Variants in BFSP2 observed in about 807,000 individuals in gnomAD.
BFSP2 encodes the protein phakinin.
A neutral mutation model predicts 44.9 loss-of-function variants in BFSP2; 38 were observed. The observed-to-expected ratio is 0.85, with a 90% CI of 0.65 to 1.11. The LOEUF (loss-of-function observed/expected upper bound fraction) is 1.11, where lower values mean the gene tolerates loss of function less well. Ranked by LOEUF, BFSP2 falls within the 50% of genes least tolerant of loss-of-function variation. The pLI, the probability that BFSP2 is intolerant of heterozygous loss-of-function variation, is 0.00. For missense variants in BFSP2, 525 were observed against 533.0 expected (o/e 0.99, Z 0.15); for synonymous variants, 197 against 209.9 (o/e 0.94, Z 0.53).
At chr3:133,448,147 G>T (rs1242059078) in intron 2 of BFSP2, among the ~76,000 whole-genome samples, 1 of 152,220 alleles carries the variant, frequency 6.6e-6, no homozygotes, top group Non-Finnish European at 1.5e-5. Flanking sequence ...TTTGTTAAAG[G>T]ATCCTTGGTT....
At chr3:133,444,746 C>T (rs1289623468) in intron 1 of BFSP2, among the ~76,000 whole-genome samples, 2 of 152,106 alleles carry the variant, frequency 1.3e-5, no homozygotes, top group Non-Finnish European at 2.9e-5. Context: ...TAAACTAGTC[C>T]ACATTTTTCC....
At chr3:133,441,925 G>A (rs941741246) in intron 1 of BFSP2, among the ~76,000 whole-genome samples, 2 of 152,158 alleles carry the variant, frequency 1.3e-5, no homozygotes, top group Admixed American at 6.5e-5. Flanking sequence ...AAAGGGGAAG[G>A]GAGGAGTGGG....
intron 1 of BFSP2, among the ~76,000 whole-genome samples, chr3:133,413,631 A>G (rs1039613994): frequency 6.6e-6 from 1 of 152,056 alleles, no homozygotes; most frequent in African/African-American, 2.4e-5. Flanking sequence ...CTGGCTGGGG[A>G]AAAGCACATA....
intron 1 of BFSP2, among the ~76,000 whole-genome samples, chr3:133,412,035 C>G (rs1197392): frequency 0.86 from 130,369 of 152,276 alleles, 55,894 homozygotes; most frequent in East Asian, 0.99. Flanking sequence ...ACGTGATCAT[C>G]GTTGTGAAGT....
intron 1 of BFSP2, among the ~76,000 whole-genome samples, chr3:133,438,181 C>T (rs886763752): frequency 1.3e-5 from 2 of 152,174 alleles, no homozygotes; most frequent in African/African-American, 4.8e-5. Context: ...TAAACGATGT[C>T]TGTGGCAGAT....
intron 1 of BFSP2, among the ~76,000 whole-genome samples, chr3:133,406,352 G>C (rs2073404537): frequency 6.6e-6 from 1 of 152,276 alleles, no homozygotes; most frequent in East Asian, 1.9e-4. Flanking sequence ...GGGAGACTAG[G>C]GTGTGGCACT....
At chr3:133,450,519 T>G in intron 4 of BFSP2, 55 bp downstream of exon 4, 1 of 1,603,150 alleles carries the variant, frequency 6.2e-7, no homozygotes, top group South Asian at 1.1e-5. Flanking sequence ...GAGGCCACGC[T>G]GAGCTGCAAA....
At chr3:133,471,277 G>A (rs1255724264) in intron 5 of BFSP2, among the ~76,000 whole-genome samples, 1 of 152,166 alleles carries the variant, frequency 6.6e-6, no homozygotes, top group Non-Finnish European at 1.5e-5. Flanking sequence ...ACAGGTGAGA[G>A]GTGACAAGCT....
chr3:133,447,192 A>C (rs1426655105), intron 1 of BFSP2, 125 bp from the exon 2 acceptor site: 10 of 896,050 alleles, frequency 1.1e-5, no homozygotes, highest in Non-Finnish European at 1.8e-5. Flanking sequence ...AATTCCACAA[A>C]TATTTGCTGT....
intron 1 of BFSP2, among the ~76,000 whole-genome samples, chr3:133,403,122 G>T (rs1357566365): frequency 6.6e-6 from 1 of 152,090 alleles, no homozygotes; most frequent in Non-Finnish European, 1.5e-5. Flanking sequence ...AGGCCTAGAG[G>T]AAAGGCCACC....
chr3:133,415,575 TCTACTCACCCCTGCCCCCTCC>T, intron 1 of BFSP2, among the ~76,000 whole-genome samples: 2 of 65,486 alleles, frequency 3.1e-5, no homozygotes, highest in African/African-American at 1.3e-4. Context: ...CCCCCTCCGC[TCTACTCACCCCTGCCCCCTCC>T]GCTCTACTCA....
chr3:133,461,264 C>T lies in BFSP2; in HGVS notation c.892-5564C>T, dbSNP rs149860057. On this transcript the variant is annotated intron_variant, in intron 4 of 6. Transcript: ENST00000302334. ...ATTATTACTTACTTAGAACACATTG[C>T]TTTTCTCTTCTCACATCCTTCATGT... Among the ~76,000 whole-genome samples, 1,241 of 152,270 alleles carry T rather than the reference C, an allele frequency of 8.1e-3. 6 individuals carry two copies. Among genetic ancestry groups the T allele is most frequent in the Non-Finnish European group, 8.2e-3 (561 of 68,020 alleles).
rs142926336 is a variant in BFSP2, at chr3:133,471,921, G to T, written c.1024-424G>T. ...GGTTTCAGCAGCAGAGGGAGAAGGG[G>T]TCCCCCGGGGAGTGAAGAAATCAGA... On this transcript the variant is annotated intron_variant, in intron 5 of 6. Coordinates refer to ENST00000302334, the MANE Select transcript of BFSP2 (RefSeq NM_003571.4). 1.2e-4 allele frequency among the ~76,000 whole-genome samples: 19 copies of T among 152,208 alleles called. No homozygotes were observed. In the East Asian group the frequency reaches 3.7e-3, roughly 29 times the overall value.
intron 1 of BFSP2, among the ~76,000 whole-genome samples, chr3:133,425,681 GTC>G (rs2073637865): frequency 6.6e-6 from 1 of 151,390 alleles, no homozygotes; most frequent in African/African-American, 2.4e-5. Flanking sequence ...AGTCAGTTCC[GTC>G]TCTCTTTCCT....
Position 133,425,768 on chromosome 3 carries a change from AAAGGGAAAGGG to A in BFSP2, c.490-21546_490-21536del, listed in dbSNP as rs1199139878. On this transcript the variant is annotated intron_variant, in intron 1 of 6. Transcript: ENST00000302334. ...AATCTAAGCAGGACAAAGGGATGGG[AAAGGGAAAGGG>A]AAAGGGAAGGGAAGGGAAGGGAAGA... 4.7e-3 allele frequency among the ~76,000 whole-genome samples: 280 copies of A among 59,426 alleles called. 5 individuals carry two copies. Among genetic ancestry groups the A allele is most frequent in the African/African-American group, 0.03 (278 of 9,334 alleles). 39.0% of individuals were successfully genotyped at this position (59,426 alleles called of 152,430 possible).
chr3:133,402,681 C>T (rs1287055916), intron 1 of BFSP2, among the ~76,000 whole-genome samples: 16 of 149,574 alleles, frequency 1.1e-4, no homozygotes, highest in Non-Finnish European at 1.9e-4. Context: ...CATTCTGTCA[C>T]CCAGGCTGGA....
intron 1 of BFSP2, among the ~76,000 whole-genome samples, chr3:133,446,167 C>T (rs568336314): frequency 1.3e-5 from 2 of 152,184 alleles, no homozygotes; most frequent in African/African-American, 4.8e-5. Context: ...ACACCTGTAA[C>T]CCCAGGACTC....
At position 133,400,706 on chromosome 3, in the gene BFSP2, AATG is replaced by A. The variant is rs972208826; in HGVS notation, c.489+137_489+139del. The stretch of plus-strand genomic sequence containing the variant: ...CCTACACTTTCACACTTAAAATGGT[AATG>A]ATAACAACAATGCTACCTTTTACCG... On this transcript the variant is annotated intron_variant, in intron 1 of 6. Transcript: ENST00000302334. The surrounding 1 kb of genome is among the most constrained non-coding windows in gnomAD (Gnocchi z 4.0). The A allele has an allele frequency of 1.7e-4, 232 of 1,394,196 alleles. No individual in the cohort carries two copies. In the African/African-American group the frequency reaches 2.7e-3, roughly 16 times the overall value. The allele number at this position is 1,394,196 out of a possible 1,614,324, so 86.4% of individuals were successfully genotyped here.
chr3:133,473,169 TC>T (rs2074182589), intron 6 of BFSP2, among the ~76,000 whole-genome samples: 2 of 152,098 alleles, frequency 1.3e-5, no homozygotes, highest in South Asian at 4.2e-4. Context: ...TCTAACAAGC[TC>T]CCAAGTGATG....
Sources: allele counts gnomAD v4.1 joint callset (sites outside exome capture counted in the v4.1 genomes callset), GRCh38; gene constraint gnomAD v4.1.1; non-coding constraint Gnocchi (gnomAD v3.1); transcripts MANE v1.5; gene names NCBI Gene and HGNC (gene_info 2026-07-23, HGNC 2026-07-21).